Variants in TSHZ2 observed in about 807,000 individuals in gnomAD.
TSHZ2 encodes the protein teashirt homolog 2.
In TSHZ2, 21 loss-of-function variants were observed where a neutral mutation model predicts 74.4. That is an observed-to-expected ratio of 0.28 (90% CI 0.20 to 0.41). TSHZ2 has a LOEUF of 0.41. TSHZ2 is among the 10% of genes least tolerant of loss of function. The pLI is 1.00. For synonymous variants in TSHZ2, 540 were observed against 515.3 expected (o/e 1.05, Z -0.65); for missense variants, 1,244 against 1,293.5 (o/e 0.96, Z 0.59).
intron 1 of TSHZ2, among the ~76,000 whole-genome samples, chr20:53,239,642 G>A (rs1990020261): frequency 1.3e-5 from 2 of 152,028 alleles, no homozygotes; most frequent in Non-Finnish European, 2.9e-5. Flanking sequence ...CAATGGATTT[G>A]GTGCTTAACT....
At chr20:53,112,584 A>C (rs1309863894) in intron 1 of TSHZ2, among the ~76,000 whole-genome samples, 3 of 152,118 alleles carry the variant, frequency 2.0e-5, no homozygotes, top group Non-Finnish European at 4.4e-5. Flanking sequence ...GCTGGAGTGC[A>C]GTGGTATGAT....
chr20:53,325,136 C>A (rs561494061), intron 2 of TSHZ2, among the ~76,000 whole-genome samples: 13 of 152,196 alleles, frequency 8.5e-5, no homozygotes, highest in Non-Finnish European at 1.8e-4. Context: ...GTTTTTCCAC[C>A]AGAAGCATTT....
intron 1 of TSHZ2, among the ~76,000 whole-genome samples, chr20:53,071,379 C>T (rs1016175707): frequency 1.3e-5 from 2 of 152,180 alleles, no homozygotes; most frequent in South Asian, 2.1e-4. Context: ...ATCTGAACTC[C>T]GACTGCTAAA....
intron 1 of TSHZ2, among the ~76,000 whole-genome samples, chr20:52,992,290 G>T (rs918831775): frequency 1.3e-5 from 2 of 152,186 alleles, no homozygotes; most frequent in African/African-American, 4.8e-5. Flanking sequence ...GTTCTCCAAG[G>T]TTCCAGGCCT....
intron 1 of TSHZ2, among the ~76,000 whole-genome samples, chr20:53,078,237 G>A (rs1298279407): frequency 6.6e-6 from 1 of 152,152 alleles, no homozygotes; most frequent in Admixed American, 6.5e-5. Context: ...TTTGCACTTA[G>A]GGGGATTACT....
At chr20:53,184,519 A>G (rs1267552432) in intron 1 of TSHZ2, among the ~76,000 whole-genome samples, 2 of 152,218 alleles carry the variant, frequency 1.3e-5, no homozygotes, top group Non-Finnish European at 2.9e-5. Context: ...ACAAACATAA[A>G]TAAGAAAATA....
At chr20:53,366,534 T>C (rs1981264161) in intron 2 of TSHZ2, among the ~76,000 whole-genome samples, 1 of 152,226 alleles carries the variant, frequency 6.6e-6, no homozygotes, top group Non-Finnish European at 1.5e-5. Flanking sequence ...TGCCTCTTAC[T>C]ACCTTTGTGG....
intron 1 of TSHZ2, among the ~76,000 whole-genome samples, chr20:53,250,443 TAAGTC>T (rs976335898): frequency 6.6e-5 from 10 of 152,146 alleles, no homozygotes; most frequent in Admixed American, 3.3e-4. Context: ...CAAAATCACT[TAAGTC>T]AAGTGAACAG....
At chr20:53,275,804 G>A (rs1292127189) in intron 2 of TSHZ2, among the ~76,000 whole-genome samples, 2 of 152,174 alleles carry the variant, frequency 1.3e-5, no homozygotes, top group African/African-American at 2.4e-5. Context: ...GCACATGCCT[G>A]TAATCCCAGC....
At chr20:53,297,903 T>C (rs1225122864) in intron 2 of TSHZ2, among the ~76,000 whole-genome samples, 1 of 152,226 alleles carries the variant, frequency 6.6e-6, no homozygotes, top group Non-Finnish European at 1.5e-5. Context: ...TACTGCAGAA[T>C]TTAGTGGCCT....
intron 1 of TSHZ2, among the ~76,000 whole-genome samples, chr20:53,113,311 T>C (rs1306501054): frequency 3.3e-5 from 5 of 152,236 alleles, no homozygotes; most frequent in Non-Finnish European, 7.3e-5. Context: ...CTTCTCTTTC[T>C]TTCTAGAATT....
chr20:52,997,056 G>A (rs1333118878), intron 1 of TSHZ2, among the ~76,000 whole-genome samples: 3 of 152,122 alleles, frequency 2.0e-5, no homozygotes, highest in Non-Finnish European at 2.9e-5. Flanking sequence ...CATTGGGAGC[G>A]GCTGGGATCT....
At chr20:53,000,368 T>C (rs144868192) in intron 1 of TSHZ2, among the ~76,000 whole-genome samples, 44 of 152,338 alleles carry the variant, frequency 2.9e-4, no homozygotes, top group African/African-American at 9.6e-4. Flanking sequence ...TGCCCTAGTG[T>C]ATTTTTTTCC....
intron 1 of TSHZ2, among the ~76,000 whole-genome samples, chr20:53,236,333 G>T (rs571250540): frequency 1.3e-5 from 2 of 152,242 alleles, no homozygotes; most frequent in Admixed American, 6.5e-5. Context: ...GTTTGTTATT[G>T]TTTGCTTACT....
intron 2 of TSHZ2, among the ~76,000 whole-genome samples, chr20:53,284,379 AGGC>A: frequency 6.6e-6 from 1 of 152,350 alleles, no homozygotes; most frequent in South Asian, 2.1e-4. Flanking sequence ...GGCATAGCAC[AGGC>A]GGCGGCAGAA....
chr20:53,107,261 C>G (rs1408209900), intron 1 of TSHZ2, among the ~76,000 whole-genome samples: 2 of 152,182 alleles, frequency 1.3e-5, no homozygotes, highest in Non-Finnish European at 2.9e-5. Flanking sequence ...TGGAGCTATC[C>G]TGAGCTTAAT....
intron 1 of TSHZ2, among the ~76,000 whole-genome samples, chr20:53,125,996 T>C (rs1052664063): frequency 2.6e-5 from 4 of 151,102 alleles, no homozygotes; most frequent in African/African-American, 9.9e-5. Context: ...TAAAAGTTGG[T>C]AAAAATAAAA....
chr20:53,249,222 A>G (rs1031844254), intron 1 of TSHZ2, among the ~76,000 whole-genome samples: 4 of 152,212 alleles, frequency 2.6e-5, no homozygotes, highest in African/African-American at 9.6e-5. Flanking sequence ...GGGTGGGCAG[A>G]TCTTTACCCA....
At position 53,263,706 on chromosome 20, in the gene TSHZ2, G is replaced by A. The variant is rs187899930; in HGVS notation, c.*8+7135G>A. 2.8e-3 allele frequency among the ~76,000 whole-genome samples: 419 copies of A among 152,320 alleles called. 3 individuals carry two copies. Among genetic ancestry groups the A allele is most frequent in the Middle Eastern group, 6.8e-3 (2 of 294 alleles). On this transcript the variant is annotated intron_variant, in intron 2 of 2. Transcript: ENST00000371497. ...GCCCCTGGATCTGGTGGCAGGTCAG[G>A]TGGAGACACTGGACCTGTTTCTTGG...
Sources: allele counts gnomAD v4.1 joint callset (sites outside exome capture counted in the v4.1 genomes callset), GRCh38; gene constraint gnomAD v4.1.1; transcripts MANE v1.5; gene names NCBI Gene and HGNC (gene_info 2026-07-23, HGNC 2026-07-21).